Variants in GPRIN3 observed in about 807,000 individuals in gnomAD.
The protein encoded by GPRIN3 is G protein-regulated inducer of neurite outgrowth 3.
In GPRIN3, 12 loss-of-function variants were observed where a neutral mutation model predicts 13.7. That is an observed-to-expected ratio of 0.87 (90% CI 0.56 to 1.42). The LOEUF is 1.42. Ranked by LOEUF, GPRIN3 falls within the 40% of genes most tolerant of loss-of-function variation. The pLI is 0.00. For missense variants in GPRIN3, 1,009 were observed against 958.7 expected (o/e 1.05, Z -0.69); for synonymous variants, 377 against 372.7 (o/e 1.01, Z -0.13).
At chr4:89,274,812 G>A (rs774431905) in intron 1 of GPRIN3, among the ~76,000 whole-genome samples, 8 of 152,138 alleles carry the variant, frequency 5.3e-5, no homozygotes, top group South Asian at 2.1e-4. Flanking sequence ...GGTGGGGAAG[G>A]GTAGAAAGGA....
intron 1 of GPRIN3, among the ~76,000 whole-genome samples, chr4:89,286,091 G>GTTTGTA (rs1039903535): frequency 6.8e-6 from 1 of 146,658 alleles, no homozygotes; most frequent in Non-Finnish European, 1.5e-5. Context: ...ATGTGTGTGT[G>GTTTGTA]TATATATATA....
intron 1 of GPRIN3, among the ~76,000 whole-genome samples, chr4:89,275,630 G>T (rs1271340924): frequency 6.6e-6 from 1 of 152,216 alleles, no homozygotes; most frequent in Non-Finnish European, 1.5e-5. Flanking sequence ...ACTCTTGGAG[G>T]AGCAGAATGC....
intron 1 of GPRIN3, among the ~76,000 whole-genome samples, chr4:89,306,705 G>C (rs182080171): frequency 1.3e-5 from 2 of 151,864 alleles, no homozygotes; most frequent in South Asian, 2.1e-4. Context: ...CCACCTCCTC[G>C]GCTGCTTTGT....
rs932615013 is a variant in GPRIN3, at chr4:89,237,028, A to T, written c.*10752T>A. 6.6e-6 allele frequency: 1 copy of T among 152,146 alleles called. No homozygotes were observed. The highest frequency in any genetic ancestry group is 1.5e-5 in the Non-Finnish European group (1 of 68,016). The allele number at this position is 152,146 out of a possible 1,614,324, so 9.4% of individuals were successfully genotyped here. A position where few individuals can be genotyped will look rare whatever the true frequency, so the allele number is the denominator to read the frequency against. ...TGGCAATGACATTCTGCTTATTATT[A>T]TTTTTAATGGCAGGTCAAGGCTCTT... On this transcript the variant is annotated 3_prime_UTR_variant, in exon 2 of 2. Transcript: ENST00000609438.
intron 1 of GPRIN3, among the ~76,000 whole-genome samples, chr4:89,306,496 C>G (rs905739652): frequency 6.6e-6 from 1 of 152,146 alleles, no homozygotes; most frequent in African/African-American, 2.4e-5. Flanking sequence ...CACCATGACC[C>G]AGATACCTTG....
chr4:89,296,612 T>C (rs540677993), intron 1 of GPRIN3, among the ~76,000 whole-genome samples: 2 of 151,430 alleles, frequency 1.3e-5, no homozygotes, highest in African/African-American at 2.4e-5. Context: ...CCAAAGTCCA[T>C]AGGCAGTTAA....
In GPRIN3 at chr4:89,247,727, G is replaced by A. The variant is rs1723142132; in HGVS notation, c.*53C>T. The stretch of plus-strand genomic sequence containing the variant: ...AAACTAAGCAAGCTTTGACATAGAG[G>A]GACGCATGTGAATACCGTAAATTTA... On this transcript the variant is annotated 3_prime_UTR_variant, in exon 2 of 2. Transcript: ENST00000609438. 5.3e-6 allele frequency: 8 copies of A among 1,511,266 alleles called. No individual in the cohort carries two copies. Among genetic ancestry groups the A allele is most frequent in the Admixed American group, 4.0e-5 (2 of 50,042 alleles). The allele number at this position is 1,511,266 out of a possible 1,614,324, so 93.6% of individuals were successfully genotyped here.
In GPRIN3 at chr4:89,239,955, C is replaced by A. The variant is rs556715246; in HGVS notation, c.*7825G>T. 6.6e-6 allele frequency: 1 copy of A among 152,180 alleles called. No individual in the cohort carries two copies. The highest frequency in any genetic ancestry group is 1.5e-5 in the Non-Finnish European group (1 of 68,050). The allele number at this position is 152,180 out of a possible 1,614,324, so 9.4% of individuals were successfully genotyped here. A position where few individuals can be genotyped will look rare whatever the true frequency, so the allele number is the denominator to read the frequency against. On this transcript the variant is annotated 3_prime_UTR_variant, in exon 2 of 2. Transcript: ENST00000609438. The stretch of plus-strand genomic sequence containing the variant: ...GGGATTGCAGGTGTGAGCCACCACG[C>A]CCAGCCTCCATGCATATTTTCAATC...
At chr4:89,263,065 C>T (rs570356423) in intron 1 of GPRIN3, among the ~76,000 whole-genome samples, 1 of 152,146 alleles carries the variant, frequency 6.6e-6, no homozygotes, top group South Asian at 2.1e-4. Context: ...TTATCAAATC[C>T]ACGTCTTCTG....
At chr4:89,260,458 C>T (rs983093088) in intron 1 of GPRIN3, among the ~76,000 whole-genome samples, 11 of 152,188 alleles carry the variant, frequency 7.2e-5, no homozygotes, top group Admixed American at 1.3e-4. Flanking sequence ...GAACCCGTCA[C>T]TCTCTTGCTT....
At position 89,243,092 on chromosome 4, in the gene GPRIN3, A is replaced by C. The variant is rs549941360; in HGVS notation, c.*4688T>G. Reference sequence around the variant, plus strand: ...TGGCAGATGTCACTGATCACTTGGGAGACAGAATTTTTCCACTTCAATCCA... The same window carrying C: ...TGGCAGATGTCACTGATCACTTGGGCGACAGAATTTTTCCACTTCAATCCA... On this transcript the variant is annotated 3_prime_UTR_variant, in exon 2 of 2. Coordinates refer to ENST00000609438, the MANE Select transcript of GPRIN3 (RefSeq NM_198281.3). The C allele has an allele frequency of 1.3e-4, 20 of 152,328 alleles. No individual in the cohort carries two copies. Among genetic ancestry groups the C allele is most frequent in the African/African-American group, 4.6e-4 (19 of 41,576 alleles). 9.4% of individuals were successfully genotyped at this position (152,328 alleles called of 1,614,324 possible).
At chr4:89,277,640 T>C (rs1364151793) in intron 1 of GPRIN3, among the ~76,000 whole-genome samples, 1 of 152,198 alleles carries the variant, frequency 6.6e-6, no homozygotes, top group African/African-American at 2.4e-5. Flanking sequence ...CCTCTGCCTT[T>C]GGGTGTCTGA....
intron 1 of GPRIN3, among the ~76,000 whole-genome samples, chr4:89,279,527 C>T (rs1380121705): frequency 5.3e-5 from 8 of 152,250 alleles, no homozygotes; most frequent in Non-Finnish European, 8.8e-5. Flanking sequence ...ACACTCCCCA[C>T]TTCTTGCACA....
At chr4:89,250,324 A>C in intron 1 of GPRIN3, 91 bp from the exon 2 acceptor site, 1 of 912,552 alleles carries the variant, frequency 1.1e-6, no homozygotes, top group Non-Finnish European at 1.5e-6. Context: ...GAGCACATTA[A>C]AAACTTTTCT....
At chr4:89,271,562 T>C (rs1021868887) in intron 1 of GPRIN3, among the ~76,000 whole-genome samples, 2 of 135,618 alleles carry the variant, frequency 1.5e-5, no homozygotes, top group African/African-American at 6.5e-5. Flanking sequence ...TTATATGGTA[T>C]TTTAAAAACT....
Position 89,247,663 on chromosome 4 carries a change from T to C in GPRIN3, c.*117A>G, listed in dbSNP as rs746989195. ...AACAATTTTTAATAGCAATTTCCTA[T>C]AGTGAATACTTGCTTTTTCTTCCTA... On this transcript the variant is annotated 3_prime_UTR_variant, in exon 2 of 2. Transcript: ENST00000609438. 1.0e-6 allele frequency: 1 copy of C among 998,818 alleles called. No homozygotes were observed. The highest frequency in any genetic ancestry group is 1.5e-6 in the Non-Finnish European group (1 of 674,848). The allele number at this position is 998,818 out of a possible 1,614,324, so 61.9% of individuals were successfully genotyped here.
intron 1 of GPRIN3, among the ~76,000 whole-genome samples, chr4:89,286,757 A>C (rs1312061790): frequency 2.0e-5 from 3 of 152,238 alleles, no homozygotes; most frequent in African/African-American, 7.2e-5. Flanking sequence ...ACACACAAAA[A>C]GAAATAACTA....
chr4:89,276,973 T>C (rs533228096), intron 1 of GPRIN3, among the ~76,000 whole-genome samples: 1 of 152,332 alleles, frequency 6.6e-6, no homozygotes, highest in East Asian at 1.9e-4. Context: ...CGGACCTATG[T>C]ATAACAATTT....
chr4:89,256,258 G>GA (rs1443449336), intron 1 of GPRIN3, among the ~76,000 whole-genome samples: 1 of 151,942 alleles, frequency 6.6e-6, no homozygotes, highest in African/African-American at 2.4e-5. Flanking sequence ...AGAGGAGAGG[G>GA]AACCTTCTAT....
Sources: allele counts gnomAD v4.1 joint callset (sites outside exome capture counted in the v4.1 genomes callset), GRCh38; gene constraint gnomAD v4.1.1; transcripts MANE v1.5; gene names NCBI Gene and HGNC (gene_info 2026-07-23, HGNC 2026-07-21).